DCC: variants seen among roughly 807,000 people sequenced by gnomAD.
DCC encodes DCC netrin 1 receptor.
In DCC, 58 loss-of-function variants were observed where a neutral mutation model predicts 172.5. That is an observed-to-expected ratio of 0.34 (90% confidence interval 0.27 to 0.42). The LOEUF is 0.42. Ranked by LOEUF, DCC falls within the 10% of genes least tolerant of loss-of-function variation. The probability of loss-of-function intolerance (pLI) is 1.00; values close to 1 mark genes in which losing one functional copy is unlikely to be tolerated. For missense variants in DCC, 1,740 were observed against 1,791.0 expected, an observed-to-expected ratio of 0.97 and a Z score of 0.51; for synonymous variants, 709 against 644.5, an observed-to-expected ratio of 1.10 and a Z score of -1.52.
intron 24 of DCC, among the ~76,000 whole-genome samples, chr18:53,460,274 G>GT (rs766940670): frequency 0.017 from 1,400 of 81,048 alleles, 37 homozygotes; most frequent in South Asian, 0.063. Context: ...AGGAGCTCCT[G>GT]TTTTTTTTTT....
intron 5 of DCC, among the ~76,000 whole-genome samples, chr18:52,944,178 G>T (rs552012699): frequency 9.8e-5 from 15 of 152,318 alleles, no homozygotes; most frequent in African/African-American, 3.4e-4. Flanking sequence ...AATAAGAAAA[G>T]TGATGGAAGA....
chr18:52,764,569 T>C (rs1461804442), intron 2 of DCC, among the ~76,000 whole-genome samples: 1 of 152,232 alleles, frequency 6.6e-6, no homozygotes, highest in African/African-American at 2.4e-5. Flanking sequence ...CTCCCTCTTG[T>C]TTCCTCTCTT....
chr18:52,955,323 T>C (rs942615977), intron 5 of DCC, among the ~76,000 whole-genome samples: 4 of 152,134 alleles, frequency 2.6e-5, no homozygotes, highest in Non-Finnish European at 4.4e-5. Flanking sequence ...TGTAGCCTTT[T>C]AAAATTGGCT....
intron 5 of DCC, among the ~76,000 whole-genome samples, chr18:52,978,629 C>G (rs183203822): frequency 3.9e-5 from 6 of 152,284 alleles, no homozygotes; most frequent in African/African-American, 1.4e-4. Context: ...GTAAATAGCA[C>G]AGTGAGAGTG....
intron 1 of DCC, among the ~76,000 whole-genome samples, chr18:52,604,899 A>G (rs1221875): frequency 0.77 from 117,392 of 152,050 alleles, 46,434 homozygotes; most frequent in Middle Eastern, 0.88. Context: ...TAGTATTCCC[A>G]GTTGGTATGC....
chr18:52,827,327 A>G (rs1183576333), intron 2 of DCC, among the ~76,000 whole-genome samples: 1 of 152,190 alleles, frequency 6.6e-6, no homozygotes, highest in Admixed American at 6.5e-5. Flanking sequence ...CCTGAGCTTC[A>G]CCTTTGAGGG....
Position 52,754,392 on chromosome 18 carries a change from C to A in DCC, c.412+2018C>A, listed in dbSNP as rs1426209646. ...AATTCTAACCCCCAATGTGATAGCA[C>A]TGGGAGGTGGAGCCTTTGAGAGATA... On this transcript the variant is annotated intron_variant, in intron 2 of 28. Coordinates refer to ENST00000442544, the MANE Select transcript of DCC (RefSeq NM_005215.4). 4 of 152,302 alleles carry A rather than the reference C, an allele frequency of 2.6e-5. No homozygotes were observed. The East Asian group carries it at 7.7e-4, about 29-fold the overall frequency. The allele number at this position is 152,302 out of a possible 1,614,324, so 9.4% of individuals were successfully genotyped here.
At chr18:53,022,958 G>A (rs1052770921) in intron 5 of DCC, among the ~76,000 whole-genome samples, 2 of 152,008 alleles carry the variant, frequency 1.3e-5, no homozygotes, top group Non-Finnish European at 2.9e-5. Flanking sequence ...TTTGAAGTAG[G>A]CAACGAAGGG....
intron 1 of DCC, among the ~76,000 whole-genome samples, chr18:52,469,207 G>A (rs981095850): frequency 3.9e-5 from 6 of 152,046 alleles, no homozygotes; most frequent in African/African-American, 1.2e-4. Flanking sequence ...ACAGGCGTCT[G>A]CCAGCATGCA....
At chr18:52,561,066 T>C (rs2033024731) in intron 1 of DCC, among the ~76,000 whole-genome samples, 1 of 152,130 alleles carries the variant, frequency 6.6e-6, no homozygotes, top group Non-Finnish European at 1.5e-5. Context: ...TACTGATATA[T>C]AGGAAAAGAA....
chr18:52,898,363 C>T (rs1936500778), intron 2 of DCC, among the ~76,000 whole-genome samples: 1 of 152,150 alleles, frequency 6.6e-6, no homozygotes, highest in South Asian at 2.1e-4. Context: ...AAGGAACAGG[C>T]CCATTCTGGG....
intron 1 of DCC, among the ~76,000 whole-genome samples, chr18:52,688,099 G>A (rs1184773208): frequency 1.3e-5 from 2 of 150,324 alleles, no homozygotes; most frequent in Non-Finnish European, 3.0e-5. Context: ...GTTTAATAAA[G>A]GAGTTTTGAA....
chr18:52,824,314 G>C (rs2038465921), intron 2 of DCC, among the ~76,000 whole-genome samples: 1 of 152,084 alleles, frequency 6.6e-6, no homozygotes, highest in African/African-American at 2.4e-5. Context: ...TTTCAAAATT[G>C]TGAGAAAAGA....
chr18:53,338,393 G>C (rs2057615601), intron 14 of DCC, among the ~76,000 whole-genome samples: 1 of 152,176 alleles, frequency 6.6e-6, no homozygotes. Context: ...CACGAGGTCA[G>C]AAGTTCAAGA....
At chr18:53,122,376 T>C (rs565151912) in intron 7 of DCC, among the ~76,000 whole-genome samples, 88 of 152,128 alleles carry the variant, frequency 5.8e-4, no homozygotes, top group Admixed American at 3.0e-3. Context: ...TAAGCAAATA[T>C]AATTTTTCAA....
intron 12 of DCC, among the ~76,000 whole-genome samples, chr18:53,259,096 G>A (rs531969589): frequency 2.4e-4 from 36 of 152,100 alleles, no homozygotes; most frequent in African/African-American, 7.0e-4. Context: ...TTTTGAGCCT[G>A]TGTGTGTCTC....
chr18:52,831,032 G>A (rs1408418907), intron 2 of DCC, among the ~76,000 whole-genome samples: 4 of 152,084 alleles, frequency 2.6e-5, no homozygotes, highest in Non-Finnish European at 4.4e-5. Context: ...AGGACATTCT[G>A]ATCAGGCTTT....
At chr18:53,261,668 T>C in intron 12 of DCC, among the ~76,000 whole-genome samples, 2 of 152,092 alleles carry the variant, frequency 1.3e-5, no homozygotes, top group African/African-American at 4.8e-5. Flanking sequence ...CCTGCCATCA[T>C]ACCCGGCTAA....
chr18:52,403,876 G>T (rs1301235126), intron 1 of DCC, among the ~76,000 whole-genome samples: 1 of 151,992 alleles, frequency 6.6e-6, no homozygotes, highest in African/African-American at 2.4e-5. Flanking sequence ...TGAGTGTATT[G>T]TTCACTGAGA....
Sources: gnomAD v4.1 joint callset for allele counts (sites outside exome capture counted in the v4.1 genomes callset) on GRCh38, gnomAD v4.1.1 for gene constraint, MANE v1.5 for transcripts, NCBI Gene and HGNC (gene_info 2026-07-23, HGNC 2026-07-21) for gene names.